The following NOL4 variants were observed in gnomAD, a reference collection of about 807,000 sequenced individuals.
NOL4 encodes the protein cancer/testis antigen 125.
In NOL4, 17 loss-of-function variants were observed where a neutral mutation model predicts 75.9. The ratio of observed to expected loss-of-function variants is 0.22; its 90% CI spans 0.15 to 0.34. The LOEUF (loss-of-function observed/expected upper bound fraction) is 0.34. NOL4 is among the 10% of genes least tolerant of loss of function. The pLI is 1.00. For missense variants in NOL4, 614 were observed against 793.5 expected, an observed-to-expected ratio of 0.77 and a Z score of 2.72; for synonymous variants, 292 against 289.9, an observed-to-expected ratio of 1.01 and a Z score of -0.07.
intron 5 of NOL4, among the ~76,000 whole-genome samples, chr18:34,066,085 A>G (rs1039192047): frequency 1.3e-5 from 2 of 151,970 alleles, no homozygotes; most frequent in African/African-American, 2.4e-5. Context: ...TGAAGTATAT[A>G]TTCTAACAAC....
At position 34,223,435 on chromosome 18, in the gene NOL4, C is replaced by T; in HGVS notation, c.-182G>A. 1 of 718,892 alleles carries T rather than the reference C, an allele frequency of 1.4e-6. No homozygotes were observed. Among genetic ancestry groups the T allele is most frequent in the Non-Finnish European group, 2.2e-6 (1 of 444,858 alleles). The allele number at this position is 718,892 out of a possible 1,614,324, so 44.5% of individuals were successfully genotyped here. On this transcript the variant is annotated 5_prime_UTR_variant, in exon 1 of 11. Coordinates refer to ENST00000261592, the MANE Select transcript of NOL4 (RefSeq NM_003787.5). ...GGAGGAGGGTCCGGTTGGGCACCAGCAATCAATGCCCCGTGCTACCAAGTC... is the reference window on the plus strand; with the variant it reads ...GGAGGAGGGTCCGGTTGGGCACCAGTAATCAATGCCCCGTGCTACCAAGTC...
At chr18:34,049,415 T>A (rs1001564578) in intron 5 of NOL4, among the ~76,000 whole-genome samples, 4 of 152,032 alleles carry the variant, frequency 2.6e-5, no homozygotes, top group African/African-American at 9.7e-5. Flanking sequence ...TATTAATATA[T>A]ATTTTAAACA....
chr18:34,019,574 C>T lies in NOL4; in HGVS notation c.800G>A (p.Gly267Asp). The T allele has an allele frequency of 6.2e-7, 1 of 1,613,254 alleles. No homozygotes were observed. Among genetic ancestry groups the T allele is most frequent in the Non-Finnish European group, 8.5e-7 (1 of 1,179,516 alleles). The change falls in exon 6 of 11, where the codon GGC (glycine) becomes GAC (aspartate). Residue 267 changes from glycine to aspartate, a missense_variant. Gly to Asp is a moderately conservative substitution (Grantham distance 94). This residue lies in a region of NOL4 where 135 missense variants were observed against 220.4 expected (regional missense o/e 0.61). Transcript: ENST00000261592. Reference sequence around the variant, plus strand: ...TGAACTGTGCCCCAGAGTCTCATTGCCATTAAAGCTCTCTGCAGCAGAATC... The same window carrying T: ...TGAACTGTGCCCCAGAGTCTCATTGTCATTAAAGCTCTCTGCAGCAGAATC... ...DDDSAAESFN[G>D]NETLGHSSIA... is the part of the protein sequence containing the mutation.
intron 2 of NOL4, among the ~76,000 whole-genome samples, chr18:34,117,990 T>C (rs2079941596): frequency 6.6e-6 from 1 of 152,200 alleles, no homozygotes. Context: ...TTCACTAGTG[T>C]AATAAAAAAA....
At chr18:34,181,328 A>G (rs961176882) in intron 1 of NOL4, among the ~76,000 whole-genome samples, 1 of 151,620 alleles carries the variant, frequency 6.6e-6, no homozygotes, top group African/African-American at 2.4e-5. Context: ...GTAAATAATA[A>G]TCTTTTCCAC....
In NOL4 at chr18:33,854,514, C is replaced by T. The variant is rs757997260; in HGVS notation, c.1724-1479G>A. On this transcript the variant is annotated intron_variant, in intron 10 of 10. Coordinates refer to ENST00000261592, the MANE Select transcript of NOL4 (RefSeq NM_003787.5). ...ATGTCACATTTGCAAACAGAAGTTA[C>T]TGAACCTGTGTTGAGGCAAATCATT... 4.6e-5 allele frequency among the ~76,000 whole-genome samples: 7 copies of T among 152,050 alleles called. No homozygotes were observed. The South Asian group carries it at 8.3e-4, about 18-fold the overall frequency.
intron 8 of NOL4, among the ~76,000 whole-genome samples, chr18:33,949,211 A>C (rs530482394): frequency 6.6e-6 from 1 of 152,216 alleles, no homozygotes; most frequent in East Asian, 1.9e-4. Flanking sequence ...GATTTCAGAC[A>C]AACTGGTGAA....
chr18:33,872,994 A>C (rs2063769983), intron 10 of NOL4, among the ~76,000 whole-genome samples: 1 of 152,022 alleles, frequency 6.6e-6, no homozygotes, highest in Non-Finnish European at 1.5e-5. Flanking sequence ...TGTGTGCTGC[A>C]GAATGTGCTT....
chr18:34,146,925 G>C (rs1361248543), intron 1 of NOL4, among the ~76,000 whole-genome samples: 1 of 151,952 alleles, frequency 6.6e-6, no homozygotes, highest in Non-Finnish European at 1.5e-5. Context: ...TCCTTGAAGA[G>C]GTCCTTCACA....
intron 4 of NOL4, 134 bp downstream of exon 4, chr18:34,103,913 C>A (rs1383301243): frequency 1.7e-6 from 1 of 600,658 alleles, no homozygotes; most frequent in Non-Finnish European, 3.0e-6. Flanking sequence ...CCCATCTGTG[C>A]AACTGTGGTG....
intron 1 of NOL4, among the ~76,000 whole-genome samples, chr18:34,151,806 A>T (rs2081651955): frequency 6.6e-6 from 1 of 151,794 alleles, no homozygotes; most frequent in Admixed American, 6.6e-5. Flanking sequence ...AGGGCAGGGG[A>T]TACCTGGAAA....
At chr18:34,071,436 C>CTG (rs2077512403) in intron 5 of NOL4, among the ~76,000 whole-genome samples, 1 of 104,410 alleles carries the variant, frequency 9.6e-6, no homozygotes, top group Non-Finnish European at 2.0e-5. Flanking sequence ...GACAGACAGA[C>CTG]AGACACACAC....
intron 10 of NOL4, among the ~76,000 whole-genome samples, chr18:33,872,544 C>T (rs57913577): frequency 0.13 from 20,446 of 151,900 alleles, 1,976 homozygotes; most frequent in East Asian, 0.43. Flanking sequence ...AGGTATTCTG[C>T]AATGACAAAA....
chr18:33,935,535 T>C (rs943585707), intron 9 of NOL4, among the ~76,000 whole-genome samples: 11 of 152,126 alleles, frequency 7.2e-5, no homozygotes, highest in African/African-American at 1.4e-4. Flanking sequence ...ATAAGTACTA[T>C]AGCAACACCA....
chr18:34,108,475 C>T (rs1251270629), intron 2 of NOL4, among the ~76,000 whole-genome samples: 1 of 151,892 alleles, frequency 6.6e-6, no homozygotes, highest in African/African-American at 2.4e-5. Flanking sequence ...TAAGTGGACA[C>T]ATAGGCTGAA....
chr18:34,019,235 A>T (rs2074888618), intron 6 of NOL4, 83 bp downstream of exon 6: 2 of 1,111,650 alleles, frequency 1.8e-6, no homozygotes, highest in Non-Finnish European at 2.6e-6. Flanking sequence ...ATTAACAATA[A>T]TGTTTATCTG....
chr18:33,997,383 G>A (rs1054539221), intron 6 of NOL4, among the ~76,000 whole-genome samples: 7 of 151,720 alleles, frequency 4.6e-5, no homozygotes, highest in African/African-American at 1.4e-4. Flanking sequence ...ATGGTTGTAG[G>A]TGTGTGGCTT....
chr18:34,191,956 A>G (rs769207742), intron 1 of NOL4, among the ~76,000 whole-genome samples: 48 of 152,166 alleles, frequency 3.2e-4, no homozygotes, highest in Non-Finnish European at 5.6e-4. Context: ...ACTGACTCAC[A>G]TATGCACATG....
chr18:33,870,713 T>A (rs576277455), intron 10 of NOL4, among the ~76,000 whole-genome samples: 1 of 151,896 alleles, frequency 6.6e-6, no homozygotes, highest in South Asian at 2.1e-4. Flanking sequence ...AAAAAAAAAA[T>A]TCTTGTAATA....
Sources: gnomAD v4.1 joint callset for allele counts (sites outside exome capture counted in the v4.1 genomes callset) on GRCh38, gnomAD v4.1.1 for gene constraint, gnomAD v4.1.1 regional missense constraint, MANE v1.5 for transcripts, NCBI Gene and HGNC (gene_info 2026-07-23, HGNC 2026-07-21) for gene names.